SLC1A2: variants seen among roughly 807,000 people sequenced by gnomAD.
SLC1A2 encodes the protein solute carrier family 1 member 2, also known as excitatory amino acid transporter 2.
SLC1A2 carries 15 observed loss-of-function variants against 48.8 expected under a neutral mutation model. That is an observed-to-expected ratio of 0.31 (90% CI 0.21 to 0.47). The LOEUF (loss-of-function observed/expected upper bound fraction) is 0.47, where lower values mean the gene tolerates loss of function less well. SLC1A2 is among the 20% of genes least tolerant of loss of function. The probability of loss-of-function intolerance (pLI) is 0.99; values close to 1 mark genes in which losing one functional copy is unlikely to be tolerated. For synonymous variants in SLC1A2, 279 were observed against 272.6 expected, an observed-to-expected ratio of 1.02 and a Z score of -0.23; for missense variants, 502 against 730.5, an observed-to-expected ratio of 0.69 and a Z score of 3.61.
intron 2 of SLC1A2, 199 bp from the exon 3 acceptor site, chr11:35,315,374 TC>T (rs1280807897): frequency 2.2e-6 from 1 of 464,394 alleles, no homozygotes; most frequent in Non-Finnish European, 3.9e-6. Context: ...CTCCAACTAT[TC>T]TTAAAAAGTC....
intron 1 of SLC1A2, among the ~76,000 whole-genome samples, chr11:35,369,500 G>A (rs955863052): frequency 6.6e-6 from 1 of 152,178 alleles, no homozygotes; most frequent in African/African-American, 2.4e-5. Context: ...ACTCATGCTG[G>A]AGGTTGGAAA....
chr11:35,265,480 A>G (rs777960920), intron 10 of SLC1A2, 47 bp downstream of exon 10: 2 of 916,532 alleles, frequency 2.2e-6, no homozygotes, highest in Non-Finnish European at 1.8e-6. Context: ...GAAATCAAGC[A>G]TGCACTACTA....
rs921230562 is a variant in SLC1A2 at position 35,257,238 on chromosome 11, G to A, written c.*3656C>T. ...TCATTGAGATTCCTGGCATCACCTA[G>A]CAGGAATCTCCCCATGACTTGAATT... is the stretch of plus-strand genomic sequence containing the variant. On this transcript the variant is annotated 3_prime_UTR_variant, in exon 11 of 11. Coordinates refer to ENST00000278379, the MANE Select transcript of SLC1A2 (RefSeq NM_004171.4). The A allele has an allele frequency of 1.3e-5, 2 of 152,120 alleles. No homozygotes were observed. Among genetic ancestry groups the A allele is most frequent in the African/African-American group, 4.8e-5 (2 of 41,434 alleles). 9.4% of individuals were successfully genotyped at this position (152,120 alleles called of 1,614,324 possible). A position where few individuals can be genotyped will look rare whatever the true frequency, so the allele number is the denominator to read the frequency against.
At chr11:35,360,979 G>T (rs1036974217) in intron 1 of SLC1A2, among the ~76,000 whole-genome samples, 6 of 152,068 alleles carry the variant, frequency 3.9e-5, no homozygotes, top group Non-Finnish European at 4.4e-5. Context: ...GGGCTCAAGT[G>T]ATTTTCCTGT....
At chr11:35,314,110 A>C (rs1851792654) in intron 3 of SLC1A2, among the ~76,000 whole-genome samples, 1 of 152,248 alleles carries the variant, frequency 6.6e-6, no homozygotes, top group African/African-American at 2.4e-5. Context: ...GAGGAAGAAC[A>C]AATTCTTTCA....
chr11:35,287,962 G>A (rs1325638711), intron 7 of SLC1A2, among the ~76,000 whole-genome samples: 1 of 152,192 alleles, frequency 6.6e-6, no homozygotes, highest in African/African-American at 2.4e-5. Flanking sequence ...CTGCAATGCA[G>A]ATAACATTTG....
At chr11:35,373,209 C>A (rs1049838202) in intron 1 of SLC1A2, among the ~76,000 whole-genome samples, 1 of 152,190 alleles carries the variant, frequency 6.6e-6, no homozygotes, top group African/African-American at 2.4e-5. Flanking sequence ...GAGGCAAGGG[C>A]GTGTGAGATG....
intron 1 of SLC1A2, among the ~76,000 whole-genome samples, chr11:35,417,952 C>T (rs1002244968): frequency 6.6e-6 from 1 of 152,120 alleles, no homozygotes; most frequent in Non-Finnish European, 1.5e-5. Context: ...CCAGAGAAGC[C>T]CCTGATATTT....
chr11:35,321,796 G>A (rs1208088065), intron 1 of SLC1A2, among the ~76,000 whole-genome samples: 9 of 152,196 alleles, frequency 5.9e-5, no homozygotes, highest in South Asian at 4.2e-4. Flanking sequence ...AGTAAGTCAC[G>A]TCCAGTGGGC....
At chr11:35,329,310 C>T (rs1852352733) in intron 1 of SLC1A2, among the ~76,000 whole-genome samples, 1 of 152,150 alleles carries the variant, frequency 6.6e-6, no homozygotes, top group Non-Finnish European at 1.5e-5. Context: ...ATACATTTGT[C>T]CAAACCCATG....
intron 7 of SLC1A2, among the ~76,000 whole-genome samples, chr11:35,288,515 G>C (rs1375865683): frequency 6.6e-6 from 1 of 152,154 alleles, no homozygotes; most frequent in African/African-American, 2.4e-5. Context: ...CAGGACACCA[G>C]GACTGGTATG....
chr11:35,319,266 G>T (rs1851982604), intron 1 of SLC1A2, among the ~76,000 whole-genome samples: 1 of 152,188 alleles, frequency 6.6e-6, no homozygotes, highest in African/African-American at 2.4e-5. Context: ...AGGGGGAAAT[G>T]ATCAAAATGA....
At chr11:35,396,232 G>C (rs1340916218) in intron 1 of SLC1A2, among the ~76,000 whole-genome samples, 5 of 105,568 alleles carry the variant, frequency 4.7e-5, no homozygotes, top group Non-Finnish European at 9.1e-5. Context: ...TCTAGTTCTA[G>C]ATCCCTGAGG....
At chr11:35,291,306 G>A (rs1215415083) in intron 7 of SLC1A2, 2 of 151,534 alleles carry the variant, frequency 1.3e-5, no homozygotes, top group South Asian at 2.1e-4. Context: ...TTGTCACCCA[G>A]ACTAGAGTGC....
intron 1 of SLC1A2, among the ~76,000 whole-genome samples, chr11:35,348,046 C>G (rs189439301): frequency 7.7e-4 from 118 of 152,336 alleles, no homozygotes; most frequent in African/African-American, 2.6e-3. Context: ...TGGGCGGCAC[C>G]TGGGTTGAAT....
chr11:35,373,666 C>T (rs1249206119), intron 1 of SLC1A2, among the ~76,000 whole-genome samples: 1 of 152,188 alleles, frequency 6.6e-6, no homozygotes, highest in Non-Finnish European at 1.5e-5. Flanking sequence ...GCCCCATCTG[C>T]TGGGCAGGAA....
intron 1 of SLC1A2, among the ~76,000 whole-genome samples, chr11:35,342,897 T>C (rs1852894447): frequency 6.6e-6 from 1 of 152,222 alleles, no homozygotes; most frequent in Admixed American, 6.5e-5. Context: ...CGCAATTATA[T>C]CCCATTCACA....
At position 35,365,777 on chromosome 11, in the gene SLC1A2, C is replaced by T. The variant is rs1388723186; in HGVS notation, c.18-48261G>A. ...TCTCCCATCAGGCTGTGCACACCTC[C>T]ATCGAGGCATCCACAATTTATTTCA... On this transcript the variant is annotated intron_variant, in intron 1 of 10. Transcript: ENST00000278379. Among the ~76,000 whole-genome samples the T allele has an allele frequency of 3.9e-5, 6 of 152,324 alleles. No homozygotes were observed. In the Middle Eastern group the frequency reaches 0.017, roughly 432 times the overall value.
intron 7 of SLC1A2, among the ~76,000 whole-genome samples, chr11:35,289,365 A>T (rs925868577): frequency 2.2e-4 from 33 of 151,738 alleles, no homozygotes; most frequent in African/African-American, 7.3e-4. Context: ...TCGGTACATG[A>T]CTCACGCCAC....
Sources: gnomAD v4.1 joint callset for allele counts (sites outside exome capture counted in the v4.1 genomes callset) on GRCh38, gnomAD v4.1.1 for gene constraint, MANE v1.5 for transcripts, NCBI Gene and HGNC (gene_info 2026-07-23, HGNC 2026-07-21) for gene names.